KYAT1: variants seen among roughly 807,000 people sequenced by gnomAD.
KYAT1 encodes the protein kynurenine--oxoglutarate transaminase 1.
Under a neutral mutation model 52.4 loss-of-function variants are expected in KYAT1, and 47 were observed. That is an observed-to-expected ratio of 0.90 (90% CI 0.71 to 1.14). KYAT1 has a LOEUF of 1.14. Ranked by LOEUF, KYAT1 falls within the 50% of genes most tolerant of loss-of-function variation. KYAT1 has a pLI of 0.00. For synonymous variants in KYAT1, 212 were observed against 209.6 expected (o/e 1.01, Z -0.10); for missense variants, 480 against 557.9 (o/e 0.86, Z 1.41).
chr9:128,835,734 T>C, intron 9 of KYAT1, 45 bp downstream of exon 9: 5 of 1,604,574 alleles, frequency 3.1e-6, no homozygotes, highest in Non-Finnish European at 4.3e-6. Flanking sequence ...GCCTGGGCTC[T>C]TTTGTTGTCC....
At chr9:128,835,200 T>G in intron 11 of KYAT1, 123 bp downstream of exon 11, 1 of 809,116 alleles carries the variant, frequency 1.2e-6, no homozygotes, top group Non-Finnish European at 2.2e-6. Flanking sequence ...GATACAACCC[T>G]GCCCCAAGGT....
chr9:128,846,628 A>T, intron 1 of KYAT1: 1 of 1,068,582 alleles, frequency 9.4e-7, no homozygotes, highest in Non-Finnish European at 1.3e-6. Flanking sequence ...AAAAAAAAGA[A>T]AGAAAGAAAT....
intron 1 of KYAT1, among the ~76,000 whole-genome samples, chr9:128,873,945 CA>C (rs55713807): frequency 0.91 from 95,989 of 105,922 alleles, 43,225 homozygotes; most frequent in South Asian, 0.94. Flanking sequence ...ATCTCCGTCT[CA>C]AAAAAAAAAA....
At chr9:128,871,494 A>C (rs1174149566) in intron 1 of KYAT1, among the ~76,000 whole-genome samples, 1 of 152,168 alleles carries the variant, frequency 6.6e-6, no homozygotes, top group East Asian at 1.9e-4. Flanking sequence ...GGAGGACTGG[A>C]GCTCAGGATT....
At chr9:128,868,703 ATTTTTTT>A (rs1202846765) in intron 1 of KYAT1, among the ~76,000 whole-genome samples, 2 of 131,984 alleles carry the variant, frequency 1.5e-5, no homozygotes, top group East Asian at 2.2e-4. Flanking sequence ...TGCCTGGCTA[ATTTTTTT>A]TTTTTTTTTT....
At chr9:128,857,611 C>T (rs934766906) in intron 1 of KYAT1, among the ~76,000 whole-genome samples, 1 of 151,922 alleles carries the variant, frequency 6.6e-6, no homozygotes, top group Admixed American at 6.6e-5. Flanking sequence ...CCAGGGCAGG[C>T]GGATCATAAG....
intron 1 of KYAT1, 92 bp from the exon 2 acceptor site, chr9:128,845,503 A>C: frequency 1.6e-6 from 2 of 1,213,988 alleles, no homozygotes; most frequent in Non-Finnish European, 2.4e-6. Flanking sequence ...CTTTCAGGCC[A>C]CAGCGCCATC....
chr9:128,848,876 C>T (rs538039054), intron 1 of KYAT1, among the ~76,000 whole-genome samples: 22 of 149,538 alleles, frequency 1.5e-4, no homozygotes, highest in African/African-American at 4.2e-4. Flanking sequence ...GCCTGTAACA[C>T]GAACACTTTG....
At chr9:128,865,349 ATATATATATATTTT>A (rs1198924599) in intron 1 of KYAT1, among the ~76,000 whole-genome samples, 3 of 4,188 alleles carry the variant, frequency 7.2e-4, no homozygotes, top group Non-Finnish European at 1.6e-3. Context: ...ATATATATAT[ATATATATATATTTT>A]TTTTTTTTTT....
chr9:128,861,273 T>C (rs1482325815), intron 1 of KYAT1, among the ~76,000 whole-genome samples: 1 of 152,194 alleles, frequency 6.6e-6, no homozygotes, highest in African/African-American at 2.4e-5. Flanking sequence ...TGGGAGGTAA[T>C]TGAATCATGG....
chr9:128,843,309 C>T (rs1407378788), intron 2 of KYAT1, among the ~76,000 whole-genome samples: 1 of 152,094 alleles, frequency 6.6e-6, no homozygotes, highest in African/African-American at 2.4e-5. Context: ...GTCAGTCAGG[C>T]ACATTGTTAA....
chr9:128,879,414 G>A (rs1308552411), intron 1 of KYAT1, among the ~76,000 whole-genome samples: 1 of 152,136 alleles, frequency 6.6e-6, no homozygotes, highest in Non-Finnish European at 1.5e-5. Context: ...CCTCATGGCT[G>A]TGAAGGCTCC....
chr9:128,857,270 A>G (rs1344059372), intron 1 of KYAT1, among the ~76,000 whole-genome samples: 1 of 152,216 alleles, frequency 6.6e-6, no homozygotes, highest in Admixed American at 6.5e-5. Flanking sequence ...AGATAATAAA[A>G]ATAATAATCA....
At chr9:128,840,686 T>C in intron 3 of KYAT1, 1 of 435,762 alleles carries the variant, frequency 2.3e-6, no homozygotes, top group South Asian at 1.7e-5. Flanking sequence ...TTGGCAGGGA[T>C]GTAAATGAGT....
intron 1 of KYAT1, among the ~76,000 whole-genome samples, chr9:128,862,432 A>G (rs997567898): frequency 1.3e-5 from 2 of 152,244 alleles, no homozygotes; most frequent in African/African-American, 4.8e-5. Flanking sequence ...AGGTGAGGAA[A>G]TTCCTAACAT....
intron 3 of KYAT1, among the ~76,000 whole-genome samples, chr9:128,841,232 C>T (rs1410930091): frequency 6.6e-6 from 1 of 152,086 alleles, no homozygotes; most frequent in African/African-American, 2.4e-5. Context: ...TGGCCAGGTG[C>T]GGTGGCTCAC....
rs375618315 is a variant in KYAT1, at chr9:128,835,625, G to C, written c.898C>G (p.Arg300Gly). The change falls in exon 10 of 13, where the codon CGC becomes GGC. Residue 300 changes from arginine to glycine, a missense_variant. By Grantham distance (125) the Arg-to-Gly change is moderately radical. Coordinates refer to ENST00000302586, the MANE Select transcript of KYAT1 (RefSeq NM_004059.5). ...ESFEREQLLFRQPSSYFVQFP... is the reference protein window; with the variant it reads ...ESFEREQLLFGQPSSYFVQFP... ...TGCACAAAGTAGCTGCTGGGTTGGC[G>C]GAAGAGCAGCTGCTCCCGTTCAAAG... The C allele has an allele frequency of 1.1e-5, 17 of 1,611,786 alleles. No individual in the cohort carries two copies. In the African/African-American group the frequency reaches 2.0e-4, roughly 19 times the overall value.
In KYAT1 at chr9:128,837,761, G is replaced by A. The variant is rs1488368378; in HGVS notation, c.491C>T (p.Pro164Leu). The A allele has an allele frequency of 6.2e-7, 1 of 1,614,016 alleles. No individual in the cohort carries two copies. Among genetic ancestry groups the A allele is most frequent in the Non-Finnish European group, 8.5e-7 (1 of 1,179,954 alleles). The change falls in exon 6 of 13, where the codon CCC (proline) becomes CTC (leucine). Residue 164 changes from proline (P) to leucine (L), a missense_variant. Pro to Leu is a moderately conservative substitution (Grantham distance 98, BLOSUM62 -3). Transcript: ENST00000302586. ...TGTGAATTTGCCGGCCAGCTCCATG[G>A]GGTCCAGCTGCCAGTTGCTGCTGGA... ...LGSSSNWQLD[P>L]MELAGKFTSR...
At chr9:128,858,731 G>C (rs556185673) in intron 1 of KYAT1, among the ~76,000 whole-genome samples, 258 of 151,982 alleles carry the variant, frequency 1.7e-3, no homozygotes, top group African/African-American at 5.9e-3. Context: ...TTTTAGGCCA[G>C]GCCCGGTGGC....
Sources: allele counts gnomAD v4.1 joint callset (sites outside exome capture counted in the v4.1 genomes callset), GRCh38; gene constraint gnomAD v4.1.1; transcripts MANE v1.5; gene names NCBI Gene and HGNC (gene_info 2026-07-23, HGNC 2026-07-21).